Variants in ARNT observed in about 807,000 individuals in gnomAD.
ARNT encodes class E basic helix-loop-helix protein 2.
A neutral mutation model predicts 105.0 loss-of-function variants in ARNT; 30 were observed. That is an observed-to-expected ratio of 0.29 (90% CI 0.21 to 0.39). The LOEUF (loss-of-function observed/expected upper bound fraction) is 0.39. Among genes scored for constraint, ARNT ranks in the 10% least tolerant of loss-of-function variants. The pLI is 1.00. For synonymous variants in ARNT, 304 were observed against 344.0 expected (o/e 0.88, Z 1.29); for missense variants, 748 against 978.7 (o/e 0.76, Z 3.15).
At chr1:150,839,326 C>T (rs1274402878) in intron 6 of ARNT, 115 bp downstream of exon 6, 5 of 978,140 alleles carry the variant, frequency 5.1e-6, no homozygotes, top group Admixed American at 2.3e-5. Flanking sequence ...GATTGAAATT[C>T]GTTTTCCCAT....
chr1:150,856,250 T>TA (rs879558984), intron 2 of ARNT, among the ~76,000 whole-genome samples: 4 of 151,812 alleles, frequency 2.6e-5, no homozygotes, highest in Non-Finnish European at 4.4e-5. Flanking sequence ...CCATCCTGGC[T>TA]AACACGGTGA....
chr1:150,860,440 T>C (rs587772643), intron 1 of ARNT, among the ~76,000 whole-genome samples: 2 of 151,154 alleles, frequency 1.3e-5, no homozygotes, highest in South Asian at 4.2e-4. Flanking sequence ...GGTCTTTAAC[T>C]CCTGACCTCA....
intron 1 of ARNT, among the ~76,000 whole-genome samples, chr1:150,863,659 T>C (rs1666051416): frequency 6.6e-6 from 1 of 151,624 alleles, no homozygotes; most frequent in Non-Finnish European, 1.5e-5. Context: ...TGAAACCCCG[T>C]CTCTACTAAA....
At chr1:150,835,513 A>C (rs1006178426) in intron 7 of ARNT, among the ~76,000 whole-genome samples, 5 of 152,154 alleles carry the variant, frequency 3.3e-5, no homozygotes, top group African/African-American at 1.2e-4. Flanking sequence ...AAGCAGGCAG[A>C]TTACTGAGCC....
At chr1:150,846,577 CA>C (rs1020070675) in intron 3 of ARNT, among the ~76,000 whole-genome samples, 42 of 152,078 alleles carry the variant, frequency 2.8e-4, no homozygotes, top group Admixed American at 5.9e-4. Context: ...GGCCTGTCAG[CA>C]CAATTCTAAA....
chr1:150,844,853 A>T (rs1460151485), intron 4 of ARNT, among the ~76,000 whole-genome samples: 1 of 149,874 alleles, frequency 6.7e-6, no homozygotes, highest in African/African-American at 2.5e-5. Flanking sequence ...GCTGTCACCC[A>T]GGCTGGAGTG....
At chr1:150,844,621 A>G (rs2102023221) in intron 4 of ARNT, among the ~76,000 whole-genome samples, 1 of 152,348 alleles carries the variant, frequency 6.6e-6, no homozygotes, top group African/African-American at 2.4e-5. Context: ...TTTCTGAGGT[A>G]GCTACAAACT....
At chr1:150,839,044 G>A (rs924215483) in intron 6 of ARNT, among the ~76,000 whole-genome samples, 1 of 152,072 alleles carries the variant, frequency 6.6e-6, no homozygotes, top group African/African-American at 2.4e-5. Context: ...TATCACCAAA[G>A]GTGGGACAGA....
At chr1:150,831,947 C>A in intron 9 of ARNT, 44 bp from the exon 10 acceptor site, 1 of 1,264,282 alleles carries the variant, frequency 7.9e-7, no homozygotes, top group Non-Finnish European at 1.1e-6. Context: ...AAAAATCTAC[C>A]CGTAAAACTC....
At chr1:150,822,087 T>A (rs1285906784) in intron 14 of ARNT, among the ~76,000 whole-genome samples, 1 of 152,152 alleles carries the variant, frequency 6.6e-6, no homozygotes, top group Non-Finnish European at 1.5e-5. Context: ...CATTCATGTA[T>A]GACATGGCTA....
intron 1 of ARNT, among the ~76,000 whole-genome samples, chr1:150,875,138 G>A (rs904211176): frequency 1.3e-5 from 2 of 152,088 alleles, no homozygotes; most frequent in African/African-American, 2.4e-5. Flanking sequence ...TTCACAGATA[G>A]GTTATATTAC....
At chr1:150,813,062 T>C (rs1002751282) in intron 21 of ARNT, 110 bp downstream of exon 21, 16 of 1,240,630 alleles carry the variant, frequency 1.3e-5, no homozygotes, top group African/African-American at 3.0e-5. Flanking sequence ...TTCTCACATA[T>C]ACCCCCAACC....
At chr1:150,865,982 G>GTT (rs199854652) in intron 1 of ARNT, among the ~76,000 whole-genome samples, 83 of 137,690 alleles carry the variant, frequency 6.0e-4, no homozygotes, top group Non-Finnish European at 6.4e-4. Flanking sequence ...TTACTCCAAA[G>GTT]TTTTTTTTTT....
Position 150,844,813 on chromosome 1 carries a change from C to CT in ARNT, c.227+1449dup, listed in dbSNP as rs1165504473. ...GTCACAAAAACTGTTTCCTTACTGT[C>CT]TTTTTTTTTTTTTTCTGACACAAAA... is the stretch of plus-strand genomic sequence containing the variant. On this transcript the variant is annotated intron_variant, in intron 4 of 21. Transcript: ENST00000358595. Among the ~76,000 whole-genome samples the CT allele has an allele frequency of 1.5e-3, 214 of 140,152 alleles. 1 individual carries two copies. The highest frequency in any genetic ancestry group is 3.6e-3 in the Middle Eastern group (1 of 280). The allele number at this position is 140,152 out of a possible 152,430, so 91.9% of individuals were successfully genotyped here.
At chr1:150,817,598 A>ACC in intron 15 of ARNT, 165 bp from the exon 16 acceptor site, 1 of 669,606 alleles carries the variant, frequency 1.5e-6, no homozygotes. Flanking sequence ...ACCTGAGGTC[A>ACC]GGAGTTCGAC....
At chr1:150,852,501 G>C (rs900812075) in intron 3 of ARNT, among the ~76,000 whole-genome samples, 2 of 152,136 alleles carry the variant, frequency 1.3e-5, no homozygotes, top group South Asian at 4.1e-4. Context: ...GAGAAATAAC[G>C]AACTGTTGTT....
intron 2 of ARNT, 158 bp from the exon 3 acceptor site, chr1:150,852,964 A>G: frequency 1.1e-6 from 1 of 916,760 alleles, no homozygotes; most frequent in South Asian, 1.6e-5. Context: ...CCTCTTGTTC[A>G]TAGTCCCAAA....
intron 13 of ARNT, 42 bp from the exon 14 acceptor site, chr1:150,823,387 T>A (rs997109989): frequency 9.8e-6 from 15 of 1,529,062 alleles, no homozygotes; most frequent in Non-Finnish European, 1.1e-5. Context: ...CATAGAAAAT[T>A]TTCATTACAA....
At chr1:150,862,577 TA>T (rs36093809) in intron 1 of ARNT, among the ~76,000 whole-genome samples, 62,544 of 148,958 alleles carry the variant, frequency 0.42, 14,976 homozygotes, top group Non-Finnish European at 0.54. Context: ...CTTTTTCCAT[TA>T]AAAAAAAAAG....
Sources: gnomAD v4.1 joint callset for allele counts (sites outside exome capture counted in the v4.1 genomes callset) on GRCh38, gnomAD v4.1.1 for gene constraint, MANE v1.5 for transcripts, NCBI Gene and HGNC (gene_info 2026-07-23, HGNC 2026-07-21) for gene names.